Variants in MSI1 observed in about 807,000 individuals in gnomAD.
MSI1 encodes the protein RNA-binding protein Musashi homolog 1.
Under a neutral mutation model 54.4 loss-of-function variants are expected in MSI1, and 15 were observed. The observed-to-expected ratio is 0.28, with a 90% CI of 0.18 to 0.42. The LOEUF (loss-of-function observed/expected upper bound fraction) is 0.42, where lower values mean the gene tolerates loss of function less well. Among genes scored for constraint, MSI1 ranks in the 20% least tolerant of loss-of-function variants. The pLI, the probability that MSI1 is intolerant of heterozygous loss-of-function variation, is 1.00. For missense variants in MSI1, 304 were observed against 506.0 expected (o/e 0.60, Z 3.83); for synonymous variants, 200 against 196.5 (o/e 1.02, Z -0.15).
chr12:120,356,171 C>T (rs1565888965), intron 9 of MSI1, among the ~76,000 whole-genome samples: 1 of 152,192 alleles, frequency 6.6e-6, no homozygotes, highest in Non-Finnish European at 1.5e-5. Context: ...TGCCCATTTA[C>T]TCCTGTCTCC....
At chr12:120,351,156 C>A (rs1160490101) in intron 11 of MSI1, among the ~76,000 whole-genome samples, 188 bp downstream of exon 11, 1 of 152,022 alleles carries the variant, frequency 6.6e-6, no homozygotes, top group Admixed American at 6.5e-5. Context: ...TGGCCCTATG[C>A]CCCACCCTTA....
chr12:120,368,353 C>T lies in MSI1; in HGVS notation c.101-80G>A. ...CCCCGTCCTTTGCCCCCGGTGACCC[C>T]GGAGCGGCCCGGCCGCCCCCGCGCC... is the stretch of plus-strand genomic sequence containing the variant. On this transcript the variant is annotated intron_variant, in intron 2 of 14. Transcript: ENST00000257552. The surrounding 1 kb of genome is among the most constrained non-coding windows in gnomAD (Gnocchi z 6.6). The T allele has an allele frequency of 6.9e-7, 1 of 1,450,492 alleles. No homozygotes were observed. The highest frequency in any genetic ancestry group is 9.3e-7 in the Non-Finnish European group (1 of 1,077,854). 89.9% of individuals were successfully genotyped at this position (1,450,492 alleles called of 1,614,324 possible).
At position 120,345,550 on chromosome 12, in the gene MSI1, G is replaced by T. The variant is rs561815448; in HGVS notation, c.*21+20C>A. 6.2e-7 allele frequency: 1 copy of T among 1,604,458 alleles called. No individual in the cohort carries two copies. The highest frequency in any genetic ancestry group is 8.5e-7 in the Non-Finnish European group (1 of 1,172,572). On this transcript the variant is annotated intron_variant, in intron 14 of 14. Coordinates refer to ENST00000257552, the MANE Select transcript of MSI1 (RefSeq NM_002442.4). ...CTTCCCCAGTGCCACCCCACCACCTGCCCACCCCCACATCCTCACCTCCTG... is the reference window on the plus strand; with the variant it reads ...CTTCCCCAGTGCCACCCCACCACCTTCCCACCCCCACATCCTCACCTCCTG...
At chr12:120,340,494 C>T (rs1655042276), downstream of MSI1, among the ~76,000 whole-genome samples, 1 of 151,950 alleles carries the variant, frequency 6.6e-6, no homozygotes, top group African/African-American at 2.4e-5. Context: ...TTCTTTAGGT[C>T]TTCATTTCTC....
rs1208726804 is a variant in MSI1, at chr12:120,342,379, G to C, written c.*748C>G. 1.3e-5 allele frequency: 2 copies of C among 152,736 alleles called. No homozygotes were observed. Among genetic ancestry groups the C allele is most frequent in the African/African-American group, 2.4e-5 (1 of 41,416 alleles). The allele number at this position is 152,736 out of a possible 1,614,324, so 9.5% of individuals were successfully genotyped here. Reference sequence around the variant, plus strand: ...GTCTGAGGGGACAGAAACAGGGGAGGGGGGAGCCCCTCACCCCCGAGGGGT... The same window carrying C: ...GTCTGAGGGGACAGAAACAGGGGAGCGGGGAGCCCCTCACCCCCGAGGGGT... On this transcript the variant is annotated 3_prime_UTR_variant, in exon 15 of 15. Coordinates refer to ENST00000257552, the MANE Select transcript of MSI1 (RefSeq NM_002442.4).
chr12:120,350,505 T>C (rs1380645436), intron 11 of MSI1, among the ~76,000 whole-genome samples: 14 of 152,150 alleles, frequency 9.2e-5, no homozygotes, highest in Admixed American at 9.2e-4. Flanking sequence ...GGGGGAACCC[T>C]GAGCACCCCT....
At chr12:120,367,524 A>G (rs1303556015) in intron 4 of MSI1, among the ~76,000 whole-genome samples, 2 of 152,092 alleles carry the variant, frequency 1.3e-5, no homozygotes, top group Non-Finnish European at 2.9e-5. Context: ...GAGCTCATTG[A>G]CCAAAAGTCG....
At position 120,368,189 on chromosome 12, in the gene MSI1, C is replaced by T; in HGVS notation, c.182+3G>A. 1.3e-6 allele frequency: 2 copies of T among 1,581,346 alleles called. No individual in the cohort carries two copies. The highest frequency in any genetic ancestry group is 1.1e-5 in the South Asian group (1 of 87,086). On this transcript the variant is annotated splice_donor_region_variant and intron_variant, in intron 3 of 14. Transcript: ENST00000257552. This position sits in a 1 kb window ranked among gnomAD's most constrained non-coding sequence, Gnocchi z 6.6. The stretch of plus-strand genomic sequence containing the variant: ...GAGCAGGAGGAGGGGGTGAGGGGCT[C>T]ACCTGGATCTCTTGGTCAGGGGGTC...
At chr12:120,363,261 G>GCCCCCCCCCCCCAGCACCCTCCTTGGCCC (rs34243955) in intron 5 of MSI1, 126 bp from the exon 6 acceptor site, 1 of 545,994 alleles carries the variant, frequency 1.8e-6, no homozygotes, top group African/African-American at 2.4e-5. Flanking sequence ...CTCTTTAAAG[G>GCCCCCCCCCCCCAGCACCCTCCTTGGCCC]CCCCCCCCCC....
At chr12:120,346,400 C>G (rs1297603599) in intron 12 of MSI1, 78 bp from the exon 13 acceptor site, 7 of 1,355,856 alleles carry the variant, frequency 5.2e-6, no homozygotes, top group Admixed American at 6.0e-5. Flanking sequence ...CCTGTCCCAC[C>G]CACCCTAACC....
Position 120,347,546 on chromosome 12 carries a change from G to A in MSI1, c.791-32C>T, listed in dbSNP as rs1874240500. The A allele has an allele frequency of 1.9e-6, 3 of 1,613,342 alleles. No homozygotes were observed. The African/African-American group carries it at 4.0e-5, about 22-fold the overall frequency. ...GGAAAGGGATGGGCACATCAGCATG[G>A]CGGTGAGGGGCAGAGATGGGTGAAG... On this transcript the variant is annotated intron_variant, in intron 11 of 14. Coordinates refer to ENST00000257552, the MANE Select transcript of MSI1 (RefSeq NM_002442.4).
intron 13 of MSI1, 151 bp downstream of exon 13, chr12:120,345,984 C>A: frequency 1.3e-6 from 1 of 760,316 alleles, no homozygotes; most frequent in Non-Finnish European, 2.0e-6. Context: ...GAATGATAAC[C>A]CCCACAACTC....
rs755832899 is a variant in MSI1, at chr12:120,357,894, G to A, written c.456C>T (p.Phe152=). ...FDKTTNRHRG[F]GFVTFESEDI... is the part of the protein sequence containing the mutation. Reference sequence around the variant, plus strand: ...CCTCACTCTCAAACGTGACAAACCCGAACCCTAGAGGTTGGACAAAGGATA... The same window carrying A: ...CCTCACTCTCAAACGTGACAAACCCAAACCCTAGAGGTTGGACAAAGGATA... Residue 152 remains phenylalanine, a synonymous_variant, in exon 8 of 15, where the codon TTC becomes TTT. Coordinates refer to ENST00000257552, the MANE Select transcript of MSI1 (RefSeq NM_002442.4). 4.0e-5 allele frequency: 65 copies of A among 1,613,976 alleles called. No homozygotes were observed. Among genetic ancestry groups the A allele is most frequent in the Non-Finnish European group, 5.1e-5 (60 of 1,180,008 alleles).
At chr12:120,349,415 A>T (rs988090827) in intron 11 of MSI1, among the ~76,000 whole-genome samples, 4 of 150,618 alleles carry the variant, frequency 2.7e-5, no homozygotes, top group Non-Finnish European at 1.5e-5. Flanking sequence ...TGTATTTTTA[A>T]TAGAGATGGG....
At position 120,350,727 on chromosome 12, in the gene MSI1, G is replaced by C. The variant is rs568880144; in HGVS notation, c.790+617C>G. 3.3e-5 allele frequency among the ~76,000 whole-genome samples: 5 copies of C among 152,284 alleles called. No homozygotes were observed. The East Asian group carries it at 7.7e-4, about 24-fold the overall frequency. ...GAGTGAAGGTGCCAGCCAGGAAACC[G>C]GCCCCCTGTCACCTTCACCCCACTT... is the stretch of plus-strand genomic sequence containing the variant. On this transcript the variant is annotated intron_variant, in intron 11 of 14. Coordinates refer to ENST00000257552, the MANE Select transcript of MSI1 (RefSeq NM_002442.4).
intron 9 of MSI1, among the ~76,000 whole-genome samples, chr12:120,354,699 G>T (rs1289323168): frequency 6.6e-6 from 1 of 152,192 alleles, no homozygotes; most frequent in African/African-American, 2.4e-5. Flanking sequence ...CCAAAGTGCT[G>T]GGATTACAGG....
chr12:120,368,318 C>CT lies in MSI1; in HGVS notation c.101-46dup. Reference sequence around the variant, plus strand: ...TTCGGACCAGCCCGGGCCCCGCGCCCTTCCCCCCCCCCCGTCCTTTGCCCC... The same window carrying CT: ...TTCGGACCAGCCCGGGCCCCGCGCCCTTTCCCCCCCCCCCGTCCTTTGCCCC... On this transcript the variant is annotated intron_variant, in intron 2 of 14. Coordinates refer to ENST00000257552, the MANE Select transcript of MSI1 (RefSeq NM_002442.4). The surrounding 1 kb of genome is among the most constrained non-coding windows in gnomAD (Gnocchi z 6.6). 1 of 1,448,704 alleles carries CT rather than the reference C, an allele frequency of 6.9e-7. No homozygotes were observed. The allele number at this position is 1,448,704 out of a possible 1,614,324, so 89.7% of individuals were successfully genotyped here.
At chr12:120,358,684 G>A (rs1295147337) in intron 7 of MSI1, among the ~76,000 whole-genome samples, 1 of 151,900 alleles carries the variant, frequency 6.6e-6, no homozygotes, top group Non-Finnish European at 1.5e-5. Context: ...GACCCTGGGC[G>A]GCCTGGCCTA....
intron 14 of MSI1, among the ~76,000 whole-genome samples, chr12:120,344,297 A>C (rs575955082): frequency 6.6e-6 from 1 of 152,370 alleles, no homozygotes; most frequent in African/African-American, 2.4e-5. Context: ...GTCCAAGGGC[A>C]TGAATGTTTG....
Sources: gnomAD v4.1 joint callset for allele counts (sites outside exome capture counted in the v4.1 genomes callset) on GRCh38, gnomAD v4.1.1 for gene constraint, Gnocchi (gnomAD v3.1) non-coding constraint, MANE v1.5 for transcripts, NCBI Gene and HGNC (gene_info 2026-07-23, HGNC 2026-07-21) for gene names.